Variants in PDE6D observed in about 807,000 individuals in gnomAD.
The protein encoded by PDE6D is phosphodiesterase 6D.
In PDE6D, 10 loss-of-function variants were observed where a neutral mutation model predicts 21.9. That is an observed-to-expected ratio of 0.46 (90% CI 0.28 to 0.78). The LOEUF (loss-of-function observed/expected upper bound fraction) is 0.78, where lower values mean the gene tolerates loss of function less well. Ranked by LOEUF, PDE6D falls within the 30% of genes least tolerant of loss-of-function variation. The pLI is 0.12. For synonymous variants in PDE6D, 59 were observed against 63.5 expected, an observed-to-expected ratio of 0.93 and a Z score of 0.34; for missense variants, 139 against 184.8, an observed-to-expected ratio of 0.75 and a Z score of 1.44.
intron 1 of PDE6D, among the ~76,000 whole-genome samples, chr2:231,754,681 CTT>C (rs112353154): frequency 1.7e-4 from 24 of 144,024 alleles, no homozygotes; most frequent in Admixed American, 3.5e-4. Flanking sequence ...CTTCTTTTGT[CTT>C]TTTTTTTTTT....
chr2:231,752,831 GT>G (rs778027978), intron 1 of PDE6D, among the ~76,000 whole-genome samples: 284 of 119,300 alleles, frequency 2.4e-3, no homozygotes, highest in Non-Finnish European at 3.4e-3. Flanking sequence ...AGAGATTTGA[GT>G]TTTTTTTTTT....
intron 1 of PDE6D, among the ~76,000 whole-genome samples, chr2:231,775,830 A>G (rs1275828306): frequency 1.3e-5 from 2 of 152,190 alleles, no homozygotes; most frequent in Non-Finnish European, 2.9e-5. Context: ...CAATAAGCCA[A>G]TATTAAAAAA....
chr2:231,771,257 C>T (rs1272735260), intron 1 of PDE6D, among the ~76,000 whole-genome samples: 4 of 152,046 alleles, frequency 2.6e-5, no homozygotes, highest in Non-Finnish European at 4.4e-5. Context: ...GCGTGAGCCA[C>T]CTTGCTCAGC....
intron 1 of PDE6D, among the ~76,000 whole-genome samples, chr2:231,771,628 T>C (rs1486734569): frequency 6.6e-6 from 1 of 152,192 alleles, no homozygotes; most frequent in Non-Finnish European, 1.5e-5. Context: ...TCTCTAAATG[T>C]TATCTAAATT....
chr2:231,741,390 A>C (rs1443359017), intron 1 of PDE6D, among the ~76,000 whole-genome samples: 1 of 152,178 alleles, frequency 6.6e-6, no homozygotes. Flanking sequence ...TAAGAAACTA[A>C]GGAAAATATG....
chr2:231,748,164 T>C (rs2048809687), intron 1 of PDE6D, among the ~76,000 whole-genome samples: 1 of 152,154 alleles, frequency 6.6e-6, no homozygotes, highest in South Asian at 2.1e-4. Context: ...TTGGAACAGT[T>C]TGAAGGGCTC....
intron 1 of PDE6D, among the ~76,000 whole-genome samples, chr2:231,762,910 G>A (rs1222968780): frequency 2.6e-5 from 4 of 151,710 alleles, no homozygotes; most frequent in African/African-American, 9.7e-5. Context: ...ACCAGACTGG[G>A]CAACATAGTG....
chr2:231,764,572 GC>G (rs1335644576), intron 1 of PDE6D, among the ~76,000 whole-genome samples: 1 of 152,138 alleles, frequency 6.6e-6, no homozygotes, highest in Non-Finnish European at 1.5e-5. Context: ...AAATCAACAG[GC>G]AACCAGGAGG....
rs962024089 is a variant in PDE6D, at chr2:231,739,826, T to A, written c.51-638A>T. Among the ~76,000 whole-genome samples, 2 of 152,112 alleles carry A rather than the reference T, an allele frequency of 1.3e-5. No homozygotes were observed. Among genetic ancestry groups the A allele is most frequent in the Admixed American group, 6.6e-5 (1 of 15,266 alleles). ...TTTGTATTTTTAATAGAGATGGGGTTTCACCATGTTGGCCAGGCTGGTCTC... is the reference window on the plus strand; with the variant it reads ...TTTGTATTTTTAATAGAGATGGGGTATCACCATGTTGGCCAGGCTGGTCTC... On this transcript the variant is annotated intron_variant, in intron 1 of 4. Coordinates refer to ENST00000287600, the MANE Select transcript of PDE6D (RefSeq NM_002601.4). This position sits in a 1 kb window ranked among gnomAD's most constrained non-coding sequence, Gnocchi z 4.2.
At chr2:231,758,236 G>A (rs1422173203) in intron 1 of PDE6D, among the ~76,000 whole-genome samples, 1 of 151,880 alleles carries the variant, frequency 6.6e-6, no homozygotes, top group Non-Finnish European at 1.5e-5. Context: ...CAAACTGTTG[G>A]GCTCAAGGGA....
intron 1 of PDE6D, among the ~76,000 whole-genome samples, chr2:231,773,423 A>G (rs1057166733): frequency 6.6e-6 from 1 of 152,206 alleles, no homozygotes; most frequent in Non-Finnish European, 1.5e-5. Context: ...CAAAACCTAT[A>G]TTATGGGAAA....
rs143959452 is a variant in PDE6D at position 231,737,751 on chromosome 2, T to C, written c.265+262A>G. ...CTCATAGCAGCTTCCTCCATGATCA[T>C]ATCACAATACAACGTCAGTGCCTAA... On this transcript the variant is annotated intron_variant, in intron 3 of 4. Transcript: ENST00000287600. 712 of 420,224 alleles carry C rather than the reference T, an allele frequency of 1.7e-3. 7 individuals carry two copies. The highest frequency in any genetic ancestry group is 9.9e-3 in the African/African-American group (497 of 49,966). 26.0% of individuals were successfully genotyped at this position (420,224 alleles called of 1,614,324 possible).
rs1212873222 is a variant in PDE6D at position 231,733,426 on chromosome 2, C to G, written c.372-393G>C. Among the ~76,000 whole-genome samples, 4 of 152,312 alleles carry G rather than the reference C, an allele frequency of 2.6e-5. No homozygotes were observed. The East Asian group carries it at 7.7e-4, about 29-fold the overall frequency. ...ACCTCAGGGGCAGTATCCTTCCCTACAGTACTCACAATAGTCGAAAGGTGG... is the reference window on the plus strand; with the variant it reads ...ACCTCAGGGGCAGTATCCTTCCCTAGAGTACTCACAATAGTCGAAAGGTGG... On this transcript the variant is annotated intron_variant, in intron 4 of 4. Coordinates refer to ENST00000287600, the MANE Select transcript of PDE6D (RefSeq NM_002601.4).
Position 231,738,002 on chromosome 2 carries a change from C to T in PDE6D, c.265+11G>A. 1 of 1,611,580 alleles carries T rather than the reference C, an allele frequency of 6.2e-7. No homozygotes were observed. The highest frequency in any genetic ancestry group is 8.5e-7 in the Non-Finnish European group (1 of 1,178,822). ...TAAGCCCTGATTTCAGGCATGTAGG[C>T]AGCAGAATACCTTCTAGGCATTGCC... On this transcript the variant is annotated intron_variant, in intron 3 of 4. Transcript: ENST00000287600.
intron 1 of PDE6D, chr2:231,779,368 A>G (rs1313965824): frequency 6.6e-6 from 1 of 152,242 alleles, no homozygotes; most frequent in African/African-American, 2.4e-5. Context: ...ACTGAAGGTG[A>G]GAAGCTCAAA....
chr2:231,748,922 G>GT (rs1162214966), intron 1 of PDE6D, among the ~76,000 whole-genome samples: 5 of 152,240 alleles, frequency 3.3e-5, no homozygotes, highest in African/African-American at 1.2e-4. Flanking sequence ...GAGTTTAGAT[G>GT]TATGGAAATG....
chr2:231,770,327 C>T (rs938259658), intron 1 of PDE6D, among the ~76,000 whole-genome samples: 1 of 152,108 alleles, frequency 6.6e-6, no homozygotes, highest in Non-Finnish European at 1.5e-5. Context: ...AGAATATATC[C>T]ACCTGCTGCT....
intron 1 of PDE6D, among the ~76,000 whole-genome samples, chr2:231,757,368 G>C (rs2048891054): frequency 6.6e-6 from 1 of 152,154 alleles, no homozygotes; most frequent in South Asian, 2.1e-4. Context: ...CACGATCTCG[G>C]CTCACTGCAA....
In PDE6D at chr2:231,732,956, A is replaced by G. The variant is rs1337568898; in HGVS notation, c.449T>C (p.Val150Ala). 6.2e-7 allele frequency: 1 copy of G among 1,605,338 alleles called. No individual in the cohort carries two copies. Among genetic ancestry groups the G allele is most frequent in the Non-Finnish European group, 8.5e-7 (1 of 1,172,856 alleles). Residue 150 changes from valine to alanine, a missense_variant, in exon 5 of 5, where the codon GTT becomes GCT. Coordinates refer to ENST00000287600, the MANE Select transcript of PDE6D (RefSeq NM_002601.4). ...AAATGTACACACATTCTTCTTTCAA[A>G]CATAGAAAAGTCTCACTCTGGATGT... ...VSTSRVRLFYV is the reference protein window; with the variant it reads ...VSTSRVRLFYA
Sources: allele counts gnomAD v4.1 joint callset (sites outside exome capture counted in the v4.1 genomes callset), GRCh38; gene constraint gnomAD v4.1.1; non-coding constraint Gnocchi (gnomAD v3.1); transcripts MANE v1.5; gene names NCBI Gene and HGNC (gene_info 2026-07-23, HGNC 2026-07-21).